EHMT1: variants seen among roughly 807,000 people sequenced by gnomAD.
EHMT1 encodes euchromatic histone lysine methyltransferase 1.
EHMT1 carries 15 observed loss-of-function variants against 147.2 expected under a neutral mutation model. The ratio of observed to expected loss-of-function variants is 0.10; its 90% CI spans 0.07 to 0.16. The LOEUF (loss-of-function observed/expected upper bound fraction) is 0.16. Among genes scored for constraint, EHMT1 ranks in the 10% least tolerant of loss-of-function variants. The pLI, the probability that EHMT1 is intolerant of heterozygous loss-of-function variation, is 1.00. For missense variants in EHMT1, 1,587 were observed against 1,772.4 expected, an observed-to-expected ratio of 0.90 and a Z score of 1.88; for synonymous variants, 795 against 709.6, an observed-to-expected ratio of 1.12 and a Z score of -1.91.
intron 1 of EHMT1, among the ~76,000 whole-genome samples, chr9:137,625,161 C>T (rs549985583): frequency 4.0e-5 from 6 of 151,690 alleles, no homozygotes; most frequent in African/African-American, 7.3e-5. Flanking sequence ...GGATTCCAGG[C>T]GTGGGCCACC....
In EHMT1 at chr9:137,748,619, GC is replaced by G. The variant is rs1948738126; in HGVS notation, c.1171-3710del. Among the ~76,000 whole-genome samples, 8 of 152,296 alleles carry G rather than the reference GC, an allele frequency of 5.3e-5. No homozygotes were observed. The South Asian group carries it at 1.7e-3, about 32-fold the overall frequency. On this transcript the variant is annotated intron_variant, in intron 6 of 26. Coordinates refer to ENST00000460843, the MANE Select transcript of EHMT1 (RefSeq NM_024757.5). ...TCGGAGCATCCCCTCTGCTGTGCCG[GC>G]CACACTCGGTGCTGCCACTCCAACG...
intron 7 of EHMT1, among the ~76,000 whole-genome samples, chr9:137,753,695 A>G (rs1676500680): frequency 6.6e-6 from 1 of 152,246 alleles, no homozygotes; most frequent in South Asian, 2.1e-4. Flanking sequence ...TCCGGATTTT[A>G]GAAGCAGATG....
At chr9:137,830,502 CTTT>C (rs1400740514) in intron 25 of EHMT1, among the ~76,000 whole-genome samples, 1 of 152,144 alleles carries the variant, frequency 6.6e-6, no homozygotes, top group African/African-American at 2.4e-5. Context: ...TATCCAACTT[CTTT>C]GATTTTATAT....
At position 137,777,852 on chromosome 9, in the gene EHMT1, T is replaced by C. The variant is rs769197767; in HGVS notation, c.2019-30T>C. On this transcript the variant is annotated intron_variant, in intron 12 of 26. Transcript: ENST00000460843. ...GAACAGGCCATGTTTCGTGTTTTCA[T>C]AAACCTTTCCCCGATTTCCTCCCCT... 17 of 1,610,926 alleles carry C rather than the reference T, an allele frequency of 1.1e-5. No individual in the cohort carries two copies. In the East Asian group the frequency reaches 3.3e-4, roughly 32 times the overall value.
chr9:137,725,950 A>G (rs1210969873), intron 3 of EHMT1, among the ~76,000 whole-genome samples: 1 of 152,080 alleles, frequency 6.6e-6, no homozygotes, highest in Non-Finnish European at 1.5e-5. Flanking sequence ...AACCTCCACA[A>G]GCACCTCCTG....
At chr9:137,795,118 G>C (rs531108519) in intron 16 of EHMT1, 1 of 152,226 alleles carries the variant, frequency 6.6e-6, no homozygotes, top group South Asian at 2.1e-4. Flanking sequence ...ATTGAAGCCA[G>C]TTTACCACAG....
chr9:137,720,946 A>T (rs975960651), intron 3 of EHMT1, among the ~76,000 whole-genome samples: 8 of 152,072 alleles, frequency 5.3e-5, no homozygotes, highest in African/African-American at 1.9e-4. Context: ...CACACTCCAG[A>T]GTGGCTGCAG....
intron 10 of EHMT1, among the ~76,000 whole-genome samples, chr9:137,766,825 T>TTTGCTTTA (rs1468967922): frequency 2.6e-5 from 4 of 151,926 alleles, no homozygotes; most frequent in African/African-American, 9.7e-5. Context: ...AAAGAAAAAT[T>TTTGCTTTA]TTGCTTTATT....
chr9:137,681,304 G>T (rs1322205363), intron 1 of EHMT1, among the ~76,000 whole-genome samples: 3 of 152,152 alleles, frequency 2.0e-5, no homozygotes, highest in African/African-American at 7.2e-5. Flanking sequence ...GTGTGCAGGG[G>T]TTACTTTGGA....
chr9:137,697,928 TTGTGAGGGCAGCG>T (rs1943523135), intron 1 of EHMT1, among the ~76,000 whole-genome samples: 1 of 151,432 alleles, frequency 6.6e-6, no homozygotes, highest in South Asian at 2.1e-4. Context: ...GATGGCACTG[TTGTGAGGGCAGCG>T]TGTGAGGGCG....
At chr9:137,828,000 G>A (rs1273767461) in intron 25 of EHMT1, among the ~76,000 whole-genome samples, 3 of 152,210 alleles carry the variant, frequency 2.0e-5, no homozygotes, top group African/African-American at 4.8e-5. Context: ...GCCCCTGTGT[G>A]AAGGGGCTCC....
At chr9:137,811,674 AG>A in intron 19 of EHMT1, 59 bp downstream of exon 19, 4 of 1,596,604 alleles carry the variant, frequency 2.5e-6, no homozygotes, top group Non-Finnish European at 3.4e-6. Context: ...GCGCCCAGAG[AG>A]ACCGCTTGAC....
At chr9:137,620,138 A>G (rs1282248991) in intron 1 of EHMT1, 1 of 152,166 alleles carries the variant, frequency 6.6e-6, no homozygotes, top group African/African-American at 2.4e-5. Flanking sequence ...TAAACTGGGA[A>G]GGTGCAGGGG....
chr9:137,781,405 T>C (rs867005009), intron 14 of EHMT1, among the ~76,000 whole-genome samples: 45 of 148,508 alleles, frequency 3.0e-4, no homozygotes, highest in African/African-American at 1.1e-3. Context: ...CTGGGATGTG[T>C]GGTGATGATG....
chr9:137,646,252 G>A (rs1844873457), intron 1 of EHMT1: 6 of 758,386 alleles, frequency 7.9e-6, no homozygotes, highest in Admixed American at 6.3e-5. Flanking sequence ...GAGCCACTGT[G>A]CCTGGCCTAT....
rs577548815 is a variant in EHMT1 at position 137,808,355 on chromosome 9, G to A, written c.2713-3106G>A. ...CGCCATGGTTGGAGCTCTGGTGGCA[G>A]TGAGCTGGGCAGCCACGGGCTCCCT... On this transcript the variant is annotated intron_variant, in intron 18 of 26. Transcript: ENST00000460843. Among the ~76,000 whole-genome samples, 10 of 152,330 alleles carry A rather than the reference G, an allele frequency of 6.6e-5. No homozygotes were observed. In the South Asian group the frequency reaches 1.4e-3, roughly 22 times the overall value.
chr9:137,624,479 C>T (rs1843130910), intron 1 of EHMT1, among the ~76,000 whole-genome samples: 1 of 152,024 alleles, frequency 6.6e-6, no homozygotes, highest in Non-Finnish European at 1.5e-5. Flanking sequence ...CCACGCCTGG[C>T]TAATTTTTGT....
At chr9:137,716,513 CATG>C (rs1945302117) in intron 2 of EHMT1, 110 bp from the exon 3 acceptor site, 1 of 648,538 alleles carries the variant, frequency 1.5e-6, no homozygotes. Flanking sequence ...GTGGTGGTGT[CATG>C]GTGGGGGAGG....
intron 16 of EHMT1, among the ~76,000 whole-genome samples, chr9:137,791,392 T>C (rs1462503827): frequency 6.6e-6 from 1 of 152,092 alleles, no homozygotes; most frequent in African/African-American, 2.4e-5. Flanking sequence ...TATTGTAAGC[T>C]AACAAAACCA....
Sources: allele counts gnomAD v4.1 joint callset (sites outside exome capture counted in the v4.1 genomes callset), GRCh38; gene constraint gnomAD v4.1.1; transcripts MANE v1.5; gene names NCBI Gene and HGNC (gene_info 2026-07-23, HGNC 2026-07-21).